MAML3: variants seen among roughly 807,000 people sequenced by gnomAD.
MAML3 encodes the protein mastermind-like protein 3.
In MAML3, 27 loss-of-function variants were observed where a neutral mutation model predicts 101.9. The ratio of observed to expected loss-of-function variants is 0.27; its 90% CI spans 0.20 to 0.37. The LOEUF (loss-of-function observed/expected upper bound fraction) is 0.37. Ranked by LOEUF, MAML3 falls within the 10% of genes least tolerant of loss-of-function variation. MAML3 has a pLI of 1.00. For missense variants in MAML3, 1,316 were observed against 1,444.9 expected, an observed-to-expected ratio of 0.91 and a Z score of 1.45; for synonymous variants, 501 against 555.9, an observed-to-expected ratio of 0.90 and a Z score of 1.39.
intron 1 of MAML3, among the ~76,000 whole-genome samples, chr4:140,123,901 G>A (rs905055306): frequency 6.6e-6 from 1 of 152,188 alleles, no homozygotes; most frequent in African/African-American, 2.4e-5. Context: ...GGTGCGAGGT[G>A]AGACCTTTTC....
At chr4:140,108,730 A>C (rs1560896274) in intron 1 of MAML3, among the ~76,000 whole-genome samples, 1 of 151,838 alleles carries the variant, frequency 6.6e-6, no homozygotes, top group East Asian at 1.9e-4. Flanking sequence ...ATCCCATGGG[A>C]TATAAGAGTA....
intron 1 of MAML3, among the ~76,000 whole-genome samples, chr4:140,038,441 G>A (rs1727024648): frequency 6.6e-6 from 1 of 152,170 alleles, no homozygotes; most frequent in African/African-American, 2.4e-5. Context: ...TATTTTTATG[G>A]GTGTGTCTTT....
At chr4:140,020,660 A>G (rs1726717889) in intron 1 of MAML3, among the ~76,000 whole-genome samples, 1 of 152,112 alleles carries the variant, frequency 6.6e-6, no homozygotes, top group African/African-American at 2.4e-5. Flanking sequence ...CCTGTTTCTG[A>G]GGGAATGGAA....
intron 1 of MAML3, among the ~76,000 whole-genome samples, chr4:140,098,387 C>T (rs141814959): frequency 6.6e-6 from 1 of 152,280 alleles, no homozygotes; most frequent in African/African-American, 2.4e-5. Flanking sequence ...TATCAGCTGG[C>T]AAGCACTTAA....
chr4:140,145,878 C>CTTTTTT (rs10625860), intron 1 of MAML3, among the ~76,000 whole-genome samples: 10,148 of 108,342 alleles, frequency 0.094, 969 homozygotes, highest in East Asian at 0.24. Flanking sequence ...TTTCTTTTTT[C>CTTTTTT]TTTTTTTTTT....
At chr4:140,060,365 C>CAA (rs70943471) in intron 1 of MAML3, among the ~76,000 whole-genome samples, 2 of 19,124 alleles carry the variant, frequency 1.0e-4, no homozygotes, top group African/African-American at 1.8e-4. Context: ...GACTCTGTCT[C>CAA]AAAAAAAAAA....
chr4:139,969,828 G>A (rs1365719211), intron 1 of MAML3, among the ~76,000 whole-genome samples: 1 of 152,004 alleles, frequency 6.6e-6, no homozygotes. Flanking sequence ...TGACTATACC[G>A]GCGATTCCGC....
chr4:140,023,808 C>T (rs181139551), intron 1 of MAML3, among the ~76,000 whole-genome samples: 71 of 152,296 alleles, frequency 4.7e-4, no homozygotes, highest in Admixed American at 6.5e-4. Flanking sequence ...TTAACTTTTT[C>T]TTTTGGAAAA....
chr4:139,749,634 T>A (rs1729439393), intron 2 of MAML3, among the ~76,000 whole-genome samples: 1 of 152,218 alleles, frequency 6.6e-6, no homozygotes, highest in African/African-American at 2.4e-5. Context: ...GGAGGCCACA[T>A]TTGTGTTGCA....
chr4:139,989,878 CACACAGAGAGAG>C (rs1208955244), intron 1 of MAML3, among the ~76,000 whole-genome samples: 4 of 49,028 alleles, frequency 8.2e-5, no homozygotes, highest in African/African-American at 4.0e-4. Context: ...CACACACACA[CACACAGAGAGAG>C]AGAGAGAGAG....
At chr4:140,021,024 T>C (rs1282929716) in intron 1 of MAML3, among the ~76,000 whole-genome samples, 1 of 152,052 alleles carries the variant, frequency 6.6e-6, no homozygotes, top group Non-Finnish European at 1.5e-5. Context: ...GAAACAAAGG[T>C]GTAGGTCACT....
At chr4:139,749,893 C>CCCG (rs1553953903) in intron 2 of MAML3, among the ~76,000 whole-genome samples, 4 of 141,132 alleles carry the variant, frequency 2.8e-5, no homozygotes, top group African/African-American at 1.1e-4. Flanking sequence ...GAACCCCCCC[C>CCCG]CACCCTATTC....
intron 1 of MAML3, among the ~76,000 whole-genome samples, chr4:139,917,604 T>C (rs1291213619): frequency 6.6e-6 from 1 of 152,166 alleles, no homozygotes; most frequent in African/African-American, 2.4e-5. Flanking sequence ...CTCCAGAACA[T>C]GGAACTAAGA....
chr4:139,781,398 T>C, intron 2 of MAML3, among the ~76,000 whole-genome samples: 1 of 152,054 alleles, frequency 6.6e-6, no homozygotes, highest in African/African-American at 2.4e-5. Flanking sequence ...GTATGCTGTT[T>C]AAATTTGGCA....
intron 2 of MAML3, among the ~76,000 whole-genome samples, chr4:139,800,217 T>C (rs77048234): frequency 0.012 from 1,769 of 152,266 alleles, 33 homozygotes; most frequent in African/African-American, 0.04. Context: ...CTGGTAAACG[T>C]TGATGAATGC....
chr4:139,955,045 A>C (rs1303867378), intron 1 of MAML3, among the ~76,000 whole-genome samples: 3 of 152,178 alleles, frequency 2.0e-5, no homozygotes, highest in Non-Finnish European at 4.4e-5. Flanking sequence ...GGCCCTGGAC[A>C]GTTCTATTTT....
intron 1 of MAML3, among the ~76,000 whole-genome samples, chr4:140,152,323 C>G (rs1301873730): frequency 6.6e-6 from 1 of 152,216 alleles, no homozygotes; most frequent in East Asian, 1.9e-4. Context: ...GCGAGAGGCT[C>G]TCCTTCCCCG....
At chr4:139,888,468 T>C (rs1399283085) in intron 2 of MAML3, 1 of 509,226 alleles carries the variant, frequency 2.0e-6, no homozygotes. Flanking sequence ...GTCGCTTTAA[T>C]GGGCATTTCC....
intron 1 of MAML3, among the ~76,000 whole-genome samples, chr4:139,944,150 A>G (rs1233491072): frequency 6.6e-6 from 1 of 151,936 alleles, no homozygotes; most frequent in South Asian, 2.1e-4. Flanking sequence ...GATTATAGGC[A>G]TAAGCCACCG....
Sources: allele counts gnomAD v4.1 joint callset (sites outside exome capture counted in the v4.1 genomes callset), GRCh38; gene constraint gnomAD v4.1.1; transcripts MANE v1.5; gene names NCBI Gene and HGNC (gene_info 2026-07-23, HGNC 2026-07-21).